TJP1: variants seen among roughly 807,000 people sequenced by gnomAD.
TJP1 encodes the protein tight junction protein 1, also known as tight junction protein ZO-1.
TJP1 carries 43 observed loss-of-function variants against 194.2 expected under a neutral mutation model. That is an observed-to-expected ratio of 0.22 (90% CI 0.17 to 0.29). TJP1 has a LOEUF of 0.29. TJP1 is among the 10% of genes least tolerant of loss of function. The pLI, the probability that TJP1 is intolerant of heterozygous loss-of-function variation, is 1.00. For synonymous variants in TJP1, 801 were observed against 779.0 expected (o/e 1.03, Z -0.47); for missense variants, 1,971 against 2,185.7 (o/e 0.90, Z 1.96).
chr15:29,837,602 T>C (rs750884896), intron 2 of TJP1, among the ~76,000 whole-genome samples: 9 of 152,226 alleles, frequency 5.9e-5, no homozygotes, highest in Non-Finnish European at 1.0e-4. Context: ...TATTTAAATT[T>C]TGTAGGCTTT....
intron 2 of TJP1, among the ~76,000 whole-genome samples, chr15:29,928,048 C>T (rs538181034): frequency 6.6e-6 from 1 of 151,704 alleles, no homozygotes; most frequent in African/African-American, 2.4e-5. Flanking sequence ...TTTATTTTTA[C>T]ATTTTTTCAA....
chr15:29,882,255 T>C (rs1431484354), intron 2 of TJP1, among the ~76,000 whole-genome samples: 3 of 152,126 alleles, frequency 2.0e-5, no homozygotes, highest in Non-Finnish European at 2.9e-5. Context: ...ATATGTTTTG[T>C]GTTTGTGCGT....
At chr15:29,931,903 T>C (rs752739316) in intron 2 of TJP1, among the ~76,000 whole-genome samples, 3 of 152,242 alleles carry the variant, frequency 2.0e-5, no homozygotes, top group Non-Finnish European at 4.4e-5. Context: ...TATTCATGCC[T>C]ACCCTTTTTA....
chr15:29,708,462 A>C, intron 25 of TJP1, 97 bp downstream of exon 25: 1 of 1,012,928 alleles, frequency 9.9e-7, no homozygotes, highest in Non-Finnish European at 1.5e-6. Context: ...GGTTGAGTTA[A>C]AAAGATCACT....
Position 29,720,487 on chromosome 15 carries a change from A to C in TJP1, c.2634T>G (p.Ser878=). The C allele has an allele frequency of 6.2e-7, 1 of 1,614,168 alleles. No individual in the cohort carries two copies. Among genetic ancestry groups the C allele is most frequent in the Non-Finnish European group, 8.5e-7 (1 of 1,180,028 alleles). The change falls in exon 19 of 28, where the codon TCT becomes TCG. Residue 878 remains serine (S), a synonymous_variant. Coordinates refer to ENST00000614355, the MANE Select transcript of TJP1 (RefSeq NM_001330239.4). ...TPPESAITRS[S]EPVREDSSGM... ...CAGAGGAGTCCTCTCTTACAGGCTC[A>C]GAGGACCGTGTAATGGCAGACTCCG...
intron 2 of TJP1, among the ~76,000 whole-genome samples, chr15:29,869,529 G>A (rs2052420692): frequency 6.6e-6 from 1 of 152,110 alleles, no homozygotes; most frequent in African/African-American, 2.4e-5. Flanking sequence ...CACTACCCAA[G>A]GTTCTGCACT....
At chr15:29,744,762 C>T (rs2044653971) in intron 8 of TJP1, among the ~76,000 whole-genome samples, 1 of 152,072 alleles carries the variant, frequency 6.6e-6, no homozygotes, top group Admixed American at 6.6e-5. Flanking sequence ...ACCCCATGTA[C>T]TCATCGTCGA....
At chr15:29,829,999 C>A (rs1350075692) in intron 2 of TJP1, among the ~76,000 whole-genome samples, 1 of 150,672 alleles carries the variant, frequency 6.6e-6, no homozygotes, top group Non-Finnish European at 1.5e-5. Flanking sequence ...AACAAAAATT[C>A]TTACATTAAA....
intron 8 of TJP1, 33 bp downstream of exon 8, chr15:29,761,106 C>G: frequency 6.5e-7 from 1 of 1,548,000 alleles, no homozygotes; most frequent in Non-Finnish European, 8.7e-7. Flanking sequence ...CAAACAAAAC[C>G]CCTGTATTTT....
intron 1 of TJP1, among the ~76,000 whole-genome samples, chr15:29,805,165 A>G (rs56307541): frequency 0.082 from 12,417 of 152,280 alleles, 554 homozygotes; most frequent in African/African-American, 0.092. Context: ...GACTAGAATC[A>G]CAATTTCTGA....
chr15:29,928,143 A>G (rs1322825307), intron 2 of TJP1, among the ~76,000 whole-genome samples: 1 of 152,196 alleles, frequency 6.6e-6, no homozygotes, highest in Non-Finnish European at 1.5e-5. Context: ...AGACACCACA[A>G]GCAACAGAAA....
chr15:29,779,188 A>C (rs1480502), intron 2 of TJP1, among the ~76,000 whole-genome samples: 143,525 of 152,220 alleles, frequency 0.94, 67,864 homozygotes, highest in East Asian at 1. Context: ...AGACCACCGA[A>C]CCTTCAACTG....
chr15:29,957,452 G>C (rs1164025275), intron 1 of TJP1, among the ~76,000 whole-genome samples: 1 of 151,500 alleles, frequency 6.6e-6, no homozygotes, highest in Non-Finnish European at 1.5e-5. Context: ...TAATCTCCCA[G>C]ACAAATGCTC....
At chr15:29,917,430 G>A (rs1248974065) in intron 2 of TJP1, among the ~76,000 whole-genome samples, 3 of 152,112 alleles carry the variant, frequency 2.0e-5, no homozygotes, top group Admixed American at 6.5e-5. Flanking sequence ...CTGAACCCCT[G>A]CCAAAAACAA....
intron 18 of TJP1, among the ~76,000 whole-genome samples, chr15:29,723,349 T>G (rs773554675): frequency 6.6e-6 from 1 of 151,972 alleles, no homozygotes; most frequent in African/African-American, 2.4e-5. Context: ...GTGATAAGAG[T>G]TCTCCCAAGC....
chr15:29,855,686 T>C (rs906610476), intron 2 of TJP1, among the ~76,000 whole-genome samples: 4 of 151,944 alleles, frequency 2.6e-5, no homozygotes, highest in Admixed American at 6.6e-5. Context: ...TGAAACCCCG[T>C]CTCTACTAAA....
chr15:29,782,414 C>T (rs1229577382), intron 2 of TJP1, among the ~76,000 whole-genome samples: 1 of 152,086 alleles, frequency 6.6e-6, no homozygotes, highest in Non-Finnish European at 1.5e-5. Context: ...ATCTGATCTT[C>T]GACAAAGCTG....
chr15:29,921,165 G>A (rs2054345030), intron 2 of TJP1, among the ~76,000 whole-genome samples: 1 of 152,170 alleles, frequency 6.6e-6, no homozygotes, highest in South Asian at 2.1e-4. Context: ...CAATATCCAT[G>A]TGAATGATTA....
intron 2 of TJP1, among the ~76,000 whole-genome samples, chr15:29,834,369 C>T (rs939407508): frequency 6.6e-6 from 1 of 151,908 alleles, no homozygotes; most frequent in Non-Finnish European, 1.5e-5. Flanking sequence ...TACAGGCGGG[C>T]ACCACCCGCC....
Sources: allele counts gnomAD v4.1 joint callset (sites outside exome capture counted in the v4.1 genomes callset), GRCh38; gene constraint gnomAD v4.1.1; transcripts MANE v1.5; gene names NCBI Gene and HGNC (gene_info 2026-07-23, HGNC 2026-07-21).